The following VAV3 variants were observed in gnomAD, a reference collection of about 807,000 sequenced individuals.
The protein encoded by VAV3 is vav guanine nucleotide exchange factor 3.
In VAV3, 94 loss-of-function variants were observed where a neutral mutation model predicts 131.2. The ratio of observed to expected loss-of-function variants is 0.72; its 90% confidence interval spans 0.61 to 0.85. The LOEUF (loss-of-function observed/expected upper bound fraction) is 0.85. Among genes scored for constraint, VAV3 ranks in the 40% least tolerant of loss-of-function variants. The pLI is 0.00. For synonymous variants in VAV3, 349 were observed against 342.0 expected, an observed-to-expected ratio of 1.02 and a Z score of -0.22; for missense variants, 939 against 1,002.7, an observed-to-expected ratio of 0.94 and a Z score of 0.86.
chr1:107,891,861 A>AG (rs1671326258), intron 1 of VAV3, among the ~76,000 whole-genome samples: 1 of 150,626 alleles, frequency 6.6e-6, no homozygotes, highest in Non-Finnish European at 1.5e-5. Context: ...AAAAAAAAAA[A>AG]AAAGAGCTCA....
chr1:107,827,089 T>G (rs973807956), intron 2 of VAV3, among the ~76,000 whole-genome samples: 10 of 152,178 alleles, frequency 6.6e-5, no homozygotes, highest in African/African-American at 1.9e-4. Flanking sequence ...CCACAAAATT[T>G]TAATATGCAT....
In VAV3 at chr1:107,705,551, G is replaced by A. The variant is rs72977662; in HGVS notation, c.1503-490C>T. ...TAGAAAGTTTTAAAATAAAGCATTA[G>A]TGTGAACATTAAAAAATTCTTAACA... On this transcript the variant is annotated intron_variant, in intron 15 of 26. Coordinates refer to ENST00000370056, the MANE Select transcript of VAV3 (RefSeq NM_006113.5). 5.6e-3 allele frequency among the ~76,000 whole-genome samples: 846 copies of A among 152,234 alleles called. 10 individuals carry two copies. The highest frequency in any genetic ancestry group is 0.018 in the African/African-American group (746 of 41,558).
intron 1 of VAV3, among the ~76,000 whole-genome samples, chr1:107,937,381 G>A (rs567374925): frequency 9.2e-5 from 14 of 152,238 alleles, no homozygotes; most frequent in African/African-American, 3.4e-4. Context: ...CAGCACAAAA[G>A]GTTTTCTTCA....
At chr1:107,589,048 C>T (rs1012841400) in intron 25 of VAV3, among the ~76,000 whole-genome samples, 1 of 152,080 alleles carries the variant, frequency 6.6e-6, no homozygotes, top group African/African-American at 2.4e-5. Context: ...AAATCTCATT[C>T]ACTGACTGCC....
At chr1:107,736,059 A>C (rs1399552928) in intron 15 of VAV3, among the ~76,000 whole-genome samples, 1 of 152,240 alleles carries the variant, frequency 6.6e-6, no homozygotes, top group Non-Finnish European at 1.5e-5. Flanking sequence ...CAACATATGC[A>C]AATGAATAAA....
At chr1:107,812,871 C>G (rs1418662533) in intron 2 of VAV3, among the ~76,000 whole-genome samples, 1 of 152,088 alleles carries the variant, frequency 6.6e-6, no homozygotes, top group Non-Finnish European at 1.5e-5. Context: ...CGCCTGTAAT[C>G]CCAGCACTTT....
At position 107,909,640 on chromosome 1, in the gene VAV3, T is replaced by G. The variant is rs139063935; in HGVS notation, c.205-34623A>C. ...CCGAAAAACTTATGGTGTAATCTTA[T>G]TTTTCTTGCTGCATTTAACAAATTA... On this transcript the variant is annotated intron_variant, in intron 1 of 26. Transcript: ENST00000370056. 2.2e-3 allele frequency among the ~76,000 whole-genome samples: 338 copies of G among 152,308 alleles called. 1 individual carries two copies. Among genetic ancestry groups the G allele is most frequent in the African/African-American group, 7.8e-3 (326 of 41,580 alleles).
intron 1 of VAV3, among the ~76,000 whole-genome samples, chr1:107,906,017 C>T (rs1235884461): frequency 6.6e-6 from 1 of 152,064 alleles, no homozygotes; most frequent in African/African-American, 2.4e-5. Context: ...TTGAGATTAC[C>T]AAGGAACTGT....
intron 1 of VAV3, among the ~76,000 whole-genome samples, chr1:107,892,119 A>C (rs1199394934): frequency 2.0e-5 from 3 of 152,190 alleles, no homozygotes; most frequent in Non-Finnish European, 4.4e-5. Context: ...CCCTAATTTT[A>C]TGTGATTAAT....
intron 12 of VAV3, among the ~76,000 whole-genome samples, chr1:107,754,181 A>G (rs1663954916): frequency 1.3e-5 from 2 of 152,330 alleles, no homozygotes; most frequent in Admixed American, 6.5e-5. Context: ...GACCTTAAAT[A>G]TCATGCCAAG....
chr1:107,869,360 T>G (rs920571296), intron 2 of VAV3, among the ~76,000 whole-genome samples: 2 of 152,322 alleles, frequency 1.3e-5, no homozygotes, highest in East Asian at 1.9e-4. Flanking sequence ...TTAGTTCTCT[T>G]GCACTTAATT....
At chr1:107,736,488 A>C (rs1388384022) in intron 15 of VAV3, among the ~76,000 whole-genome samples, 6 of 152,190 alleles carry the variant, frequency 3.9e-5, no homozygotes, top group African/African-American at 7.2e-5. Flanking sequence ...TCTCCTTAAG[A>C]TGATAAGCAA....
chr1:107,957,384 A>G (rs780732314), intron 1 of VAV3, among the ~76,000 whole-genome samples: 1 of 152,036 alleles, frequency 6.6e-6, no homozygotes, highest in Non-Finnish European at 1.5e-5. Flanking sequence ...GTCCCATCCA[A>G]TCCACCCCTC....
intron 17 of VAV3, among the ~76,000 whole-genome samples, chr1:107,696,095 A>G (rs1408199688): frequency 1.3e-5 from 2 of 152,196 alleles, no homozygotes; most frequent in East Asian, 3.8e-4. Flanking sequence ...TCAAGTACAC[A>G]ACAAAGTTTA....
At chr1:107,878,640 G>A (rs1670620909) in intron 1 of VAV3, among the ~76,000 whole-genome samples, 1 of 152,118 alleles carries the variant, frequency 6.6e-6, no homozygotes, top group African/African-American at 2.4e-5. Flanking sequence ...ACTTCATACT[G>A]TGAACTTCAT....
rs537292918 is a variant in VAV3, at chr1:107,857,625, T to C, written c.321+17276A>G. ...TGCCGTAGACCTTCTTGCGGGTATG[T>C]TCTTTTGGACAAATCTGGGCTTTGT... On this transcript the variant is annotated intron_variant, in intron 2 of 26. Transcript: ENST00000370056. Among the ~76,000 whole-genome samples the C allele has an allele frequency of 2.0e-5, 3 of 152,310 alleles. No individual in the cohort carries two copies. In the East Asian group the frequency reaches 5.8e-4, roughly 29 times the overall value.
intron 1 of VAV3, among the ~76,000 whole-genome samples, chr1:107,917,153 G>T (rs1672663527): frequency 6.6e-6 from 1 of 152,116 alleles, no homozygotes; most frequent in Non-Finnish European, 1.5e-5. Flanking sequence ...AGTCCTGCAT[G>T]GGCCAGAGCA....
At chr1:107,639,433 A>T (rs1380234678) in intron 20 of VAV3, among the ~76,000 whole-genome samples, 1 of 152,166 alleles carries the variant, frequency 6.6e-6, no homozygotes, top group African/African-American at 2.4e-5. Context: ...TATTTTATGA[A>T]GGACTTTTAC....
chr1:107,727,253 T>C (rs145448971), intron 15 of VAV3, among the ~76,000 whole-genome samples: 156 of 152,364 alleles, frequency 1.0e-3, no homozygotes, highest in African/African-American at 3.7e-3. Flanking sequence ...GGTTCTTTCG[T>C]AATTTTGTTC....
Sources: gnomAD v4.1 joint callset for allele counts (sites outside exome capture counted in the v4.1 genomes callset) on GRCh38, gnomAD v4.1.1 for gene constraint, MANE v1.5 for transcripts, NCBI Gene and HGNC (gene_info 2026-07-23, HGNC 2026-07-21) for gene names.